Variants in KAZN observed in about 807,000 individuals in gnomAD.
The protein encoded by KAZN is kazrin, periplakin interacting protein.
Under a neutral mutation model 87.4 loss-of-function variants are expected in KAZN, and 40 were observed. That is an observed-to-expected ratio of 0.46 (90% confidence interval 0.36 to 0.60). KAZN has a LOEUF of 0.60. Among genes scored for constraint, KAZN ranks in the 20% least tolerant of loss-of-function variants. The probability of loss-of-function intolerance (pLI) is 0.00; values close to 1 mark genes in which losing one functional copy is unlikely to be tolerated. For missense variants in KAZN, 898 were observed against 1,073.9 expected, an observed-to-expected ratio of 0.84 and a Z score of 2.29; for synonymous variants, 466 against 458.3, an observed-to-expected ratio of 1.02 and a Z score of -0.22.
chr1:14,217,667 A>G (rs1646988873), intron 2 of KAZN, among the ~76,000 whole-genome samples: 1 of 152,188 alleles, frequency 6.6e-6, no homozygotes, highest in South Asian at 2.1e-4. Flanking sequence ...TCCCAAAACA[A>G]TTGTTTAAAT....
intron 1 of KAZN, among the ~76,000 whole-genome samples, chr1:14,714,687 C>A (rs1642685261): frequency 6.6e-6 from 1 of 152,110 alleles, no homozygotes; most frequent in Admixed American, 6.5e-5. Context: ...AGGCAGCATA[C>A]CTGCTCTGTG....
At chr1:14,803,719 G>A (rs930752069) in intron 1 of KAZN, among the ~76,000 whole-genome samples, 7 of 152,212 alleles carry the variant, frequency 4.6e-5, no homozygotes, top group Admixed American at 6.5e-5. Flanking sequence ...CTGCTCTCAC[G>A]GCCTGGAGAG....
chr1:14,180,327 C>T (rs900149004), intron 1 of KAZN: 10 of 920,154 alleles, frequency 1.1e-5, no homozygotes, highest in African/African-American at 6.7e-5. Context: ...ACATGCCTGG[C>T]TTAGACCTTG....
chr1:15,025,739 CT>C (rs138816456), intron 2 of KAZN, among the ~76,000 whole-genome samples: 1,812 of 152,312 alleles, frequency 0.012, 37 homozygotes, highest in South Asian at 0.067. Context: ...CGACAAAGTT[CT>C]GGGATCAAGT....
chr1:15,054,404 C>CT (rs1317606934), intron 4 of KAZN, among the ~76,000 whole-genome samples: 2 of 152,104 alleles, frequency 1.3e-5, no homozygotes, highest in Non-Finnish European at 2.9e-5. Context: ...TGCATTAACA[C>CT]TTTGAGAGGC....
intron 1 of KAZN, among the ~76,000 whole-genome samples, chr1:14,845,273 G>A (rs933101746): frequency 1.3e-4 from 20 of 151,206 alleles, no homozygotes; most frequent in African/African-American, 4.9e-4. Flanking sequence ...GTGGATGGAT[G>A]GATGAGTGAG....
At chr1:14,607,908 A>T (rs1677496787) in intron 1 of KAZN, among the ~76,000 whole-genome samples, 1 of 152,236 alleles carries the variant, frequency 6.6e-6, no homozygotes, top group African/African-American at 2.4e-5. Flanking sequence ...GCTTTCCCAG[A>T]TACTGTGATG....
intron 1 of KAZN, among the ~76,000 whole-genome samples, chr1:13,986,988 A>G (rs1557765236): frequency 6.6e-6 from 1 of 152,166 alleles, no homozygotes; most frequent in Non-Finnish European, 1.5e-5. Context: ...GCTAGAAGCC[A>G]GGAGATAAAT....
chr1:14,420,312 C>T (rs1352603883), intron 2 of KAZN, among the ~76,000 whole-genome samples: 3 of 151,948 alleles, frequency 2.0e-5, no homozygotes, highest in Non-Finnish European at 4.4e-5. Flanking sequence ...GATTAGTGCA[C>T]CCACAAACCT....
At position 14,023,819 on chromosome 1, in the gene KAZN, A is replaced by T. The variant is rs545616970; in HGVS notation, c.91+130063A>T. 3.9e-5 allele frequency among the ~76,000 whole-genome samples: 6 copies of T among 152,098 alleles called. No homozygotes were observed. In the South Asian group the frequency reaches 1.0e-3, roughly 26 times the overall value. ...CTCTGCTGATCTGCACACACAGCGG[A>T]CTCTCAAGACCTCTCCTGTCCTGAG... On this transcript the variant is annotated intron_variant, in intron 1 of 16. Transcript: ENST00000636203.
At chr1:14,749,486 T>TG (rs1644354018) in intron 1 of KAZN, among the ~76,000 whole-genome samples, 1 of 152,174 alleles carries the variant, frequency 6.6e-6, no homozygotes, top group Admixed American at 6.5e-5. Context: ...GGGCTTCAGT[T>TG]CCACACAAGG....
At chr1:14,794,105 C>G (rs1645761897) in intron 1 of KAZN, among the ~76,000 whole-genome samples, 1 of 152,344 alleles carries the variant, frequency 6.6e-6, no homozygotes, top group African/African-American at 2.4e-5. Context: ...CCTCAGGATG[C>G]AACCTGGTTT....
intron 1 of KAZN, among the ~76,000 whole-genome samples, chr1:14,135,043 A>G (rs1193510674): frequency 6.6e-6 from 1 of 151,782 alleles, no homozygotes; most frequent in Non-Finnish European, 1.5e-5. Flanking sequence ...ATTCACACTT[A>G]TTATTACATT....
At chr1:15,106,825 C>T (rs556996258) in intron 13 of KAZN, among the ~76,000 whole-genome samples, 8 of 152,264 alleles carry the variant, frequency 5.3e-5, no homozygotes, top group African/African-American at 7.2e-5. Flanking sequence ...CTGCATCTCC[C>T]GATAAACCTT....
At chr1:14,455,938 G>A (rs533723382) in intron 2 of KAZN, among the ~76,000 whole-genome samples, 5 of 152,268 alleles carry the variant, frequency 3.3e-5, no homozygotes, top group African/African-American at 7.2e-5. Context: ...AATTATTGTG[G>A]AGTGAACAAG....
chr1:14,049,347 A>G (rs1010855840), intron 1 of KAZN, among the ~76,000 whole-genome samples: 3 of 152,324 alleles, frequency 2.0e-5, no homozygotes, highest in East Asian at 3.9e-4. Flanking sequence ...GGATAGCATT[A>G]GGAGGTATAC....
chr1:14,642,894 T>C (rs1680513770), intron 1 of KAZN, among the ~76,000 whole-genome samples: 2 of 152,226 alleles, frequency 1.3e-5, no homozygotes, highest in South Asian at 4.1e-4. Context: ...CTGATGAGGA[T>C]ACAGAGCTAC....
chr1:15,018,730 C>A (rs1044720715), intron 2 of KAZN, among the ~76,000 whole-genome samples: 2 of 151,984 alleles, frequency 1.3e-5, no homozygotes, highest in African/African-American at 2.4e-5. Flanking sequence ...TGGCTGGGAT[C>A]CTGGGCCACG....
At chr1:14,174,304 A>AGGAGG (rs1646021633) in intron 1 of KAZN, among the ~76,000 whole-genome samples, 1 of 152,190 alleles carries the variant, frequency 6.6e-6, no homozygotes, top group Non-Finnish European at 1.5e-5. Flanking sequence ...TCAGAAGGAA[A>AGGAGG]GGAGGGCAAG....
Sources: gnomAD v4.1 joint callset for allele counts (sites outside exome capture counted in the v4.1 genomes callset) on GRCh38, gnomAD v4.1.1 for gene constraint, MANE v1.5 for transcripts, NCBI Gene and HGNC (gene_info 2026-07-23, HGNC 2026-07-21) for gene names.